EXOC6B: variants seen among roughly 807,000 people sequenced by gnomAD.
EXOC6B encodes the protein SEC15 homolog B.
In EXOC6B, 54 loss-of-function variants were observed where a neutral mutation model predicts 113.5. That is an observed-to-expected ratio of 0.48 (90% CI 0.38 to 0.60). The LOEUF (loss-of-function observed/expected upper bound fraction) is 0.60, where lower values mean the gene tolerates loss of function less well. EXOC6B is among the 20% of genes least tolerant of loss of function. The probability of loss-of-function intolerance (pLI) is 0.00; values close to 1 mark genes in which losing one functional copy is unlikely to be tolerated. For synonymous variants in EXOC6B, 357 were observed against 339.0 expected, an observed-to-expected ratio of 1.05 and a Z score of -0.58; for missense variants, 797 against 977.5, an observed-to-expected ratio of 0.82 and a Z score of 2.46.
chr2:72,751,511 T>G (rs1682041550), intron 1 of EXOC6B, among the ~76,000 whole-genome samples: 2 of 152,166 alleles, frequency 1.3e-5, no homozygotes, highest in East Asian at 3.9e-4. Flanking sequence ...GATTTTCAGG[T>G]TAACTCTGGA....
At chr2:72,188,103 C>A (rs1442087274) in intron 20 of EXOC6B, among the ~76,000 whole-genome samples, 2 of 152,076 alleles carry the variant, frequency 1.3e-5, no homozygotes, top group African/African-American at 4.8e-5. Flanking sequence ...AGGCCCAGGT[C>A]TGCAGCTGTG....
chr2:72,291,903 C>T (rs566546208), intron 20 of EXOC6B, among the ~76,000 whole-genome samples: 17 of 152,190 alleles, frequency 1.1e-4, no homozygotes, highest in Admixed American at 2.6e-4. Flanking sequence ...AAGTCTAAAA[C>T]GGATGGTTAA....
intron 20 of EXOC6B, among the ~76,000 whole-genome samples, chr2:72,314,109 A>G (rs1318799481): frequency 1.3e-5 from 2 of 152,164 alleles, no homozygotes; most frequent in Admixed American, 6.5e-5. Flanking sequence ...CTGAATTATA[A>G]TTACCCTAAC....
At chr2:72,651,633 T>A (rs1173708614) in intron 6 of EXOC6B, among the ~76,000 whole-genome samples, 4 of 152,180 alleles carry the variant, frequency 2.6e-5, no homozygotes, top group African/African-American at 9.6e-5. Context: ...ACTGGAATGT[T>A]TTTTGAGATG....
intron 20 of EXOC6B, among the ~76,000 whole-genome samples, chr2:72,188,986 T>A (rs1456125053): frequency 6.6e-6 from 1 of 152,218 alleles, no homozygotes; most frequent in Non-Finnish European, 1.5e-5. Flanking sequence ...AACTGAGACT[T>A]TATTCCCAAA....
rs188675376 is a variant in EXOC6B at position 72,732,352 on chromosome 2, G to A, written c.327+719C>T. ...TTGTTTTGGGGGGCAGGTAGAGATG[G>A]GGTCTCACTATGTTGCCCAAGCTGG... On this transcript the variant is annotated intron_variant, in intron 3 of 21. Transcript: ENST00000272427. Among the ~76,000 whole-genome samples, 1,186 of 151,944 alleles carry A rather than the reference G, an allele frequency of 7.8e-3. 6 individuals carry two copies. Among genetic ancestry groups the A allele is most frequent in the Non-Finnish European group, 9.3e-3 (629 of 67,954 alleles).
At chr2:72,502,083 A>G (rs1700354272) in intron 11 of EXOC6B, among the ~76,000 whole-genome samples, 1 of 152,160 alleles carries the variant, frequency 6.6e-6, no homozygotes, top group Non-Finnish European at 1.5e-5. Flanking sequence ...CTTAAACATG[A>G]TGTCTCTCCT....
rs375538365 is a variant in EXOC6B at position 72,809,291 on chromosome 2, G to A, written c.113+16507C>T. On this transcript the variant is annotated intron_variant, in intron 1 of 21. Coordinates refer to ENST00000272427, the MANE Select transcript of EXOC6B (RefSeq NM_015189.3). Reference sequence around the variant, plus strand: ...CAATTAAAAGATAGAGATCAACAAAGTGGATTTTATAAAACAATACAAGTA... The same window carrying A: ...CAATTAAAAGATAGAGATCAACAAAATGGATTTTATAAAACAATACAAGTA... Among the ~76,000 whole-genome samples, 12 of 152,164 alleles carry A rather than the reference G, an allele frequency of 7.9e-5. No homozygotes were observed. The East Asian group carries it at 1.3e-3, about 17-fold the overall frequency.
intron 19 of EXOC6B, among the ~76,000 whole-genome samples, chr2:72,344,855 A>C (rs1689233793): frequency 6.6e-6 from 1 of 152,112 alleles, no homozygotes; most frequent in South Asian, 2.1e-4. Context: ...AGCCCTTTAA[A>C]TCTCCTGACA....
At chr2:72,640,529 T>C (rs1297323220) in intron 6 of EXOC6B, among the ~76,000 whole-genome samples, 1 of 152,050 alleles carries the variant, frequency 6.6e-6, no homozygotes, top group African/African-American at 2.4e-5. Flanking sequence ...AGTAAGACAC[T>C]TCACAAGAAG....
chr2:72,540,173 C>A (rs901215730), intron 8 of EXOC6B, among the ~76,000 whole-genome samples: 2 of 151,968 alleles, frequency 1.3e-5, no homozygotes, highest in East Asian at 1.9e-4. Context: ...TATGTGCCAA[C>A]TTTTCTTAAT....
chr2:72,198,954 C>T (rs555127713), intron 20 of EXOC6B, among the ~76,000 whole-genome samples: 41 of 152,234 alleles, frequency 2.7e-4, no homozygotes, highest in Admixed American at 4.6e-4. Context: ...TGAATCATTG[C>T]CTGGCTTTCC....
At chr2:72,581,884 G>A (rs1375110623) in intron 6 of EXOC6B, among the ~76,000 whole-genome samples, 1 of 152,100 alleles carries the variant, frequency 6.6e-6, no homozygotes, top group Non-Finnish European at 1.5e-5. Context: ...AACCCCCAGG[G>A]CAAAGCTGGG....
At chr2:72,781,606 T>C (rs11900751) in intron 1 of EXOC6B, among the ~76,000 whole-genome samples, 2,434 of 152,278 alleles carry the variant, frequency 0.016, 82 homozygotes, top group African/African-American at 0.056. Context: ...TAAAATTGCA[T>C]TGACAAAAAT....
At chr2:72,618,144 G>A (rs912737377) in intron 6 of EXOC6B, among the ~76,000 whole-genome samples, 5 of 152,048 alleles carry the variant, frequency 3.3e-5, no homozygotes, top group African/African-American at 1.2e-4. Context: ...AGAGGGGGGT[G>A]GATCACCTGA....
intron 19 of EXOC6B, among the ~76,000 whole-genome samples, chr2:72,359,209 G>C (rs1690154358): frequency 6.6e-6 from 1 of 152,148 alleles, no homozygotes; most frequent in Non-Finnish European, 1.5e-5. Context: ...AAAATTCATG[G>C]TGAAATTTAA....
intron 7 of EXOC6B, among the ~76,000 whole-genome samples, chr2:72,561,063 C>A (rs751177943): frequency 3.3e-5 from 5 of 151,986 alleles, no homozygotes; most frequent in Non-Finnish European, 7.4e-5. Flanking sequence ...ACTAAAACAT[C>A]TTTACAGTCT....
chr2:72,782,874 C>T (rs914745869), intron 1 of EXOC6B, among the ~76,000 whole-genome samples: 3 of 152,168 alleles, frequency 2.0e-5, no homozygotes, highest in African/African-American at 7.2e-5. Context: ...CTTCTGCAGC[C>T]GAACAGTATT....
In EXOC6B at chr2:72,499,893, T is replaced by G. The variant is rs1201446895; in HGVS notation, c.1239+8A>C. 2 of 1,542,642 alleles carry G rather than the reference T, an allele frequency of 1.3e-6. No individual in the cohort carries two copies. The highest frequency in any genetic ancestry group is 1.8e-6 in the Non-Finnish European group (2 of 1,138,388). On this transcript the variant is annotated splice_region_variant and intron_variant, in intron 12 of 21. Coordinates refer to ENST00000272427, the MANE Select transcript of EXOC6B (RefSeq NM_015189.3). ...CTAGATGAGCATATGTAAACAGAAA[T>G]CACATACCTGAAGTGTGTCAGCAAA... is the stretch of plus-strand genomic sequence containing the variant.
Sources: gnomAD v4.1 joint callset for allele counts (sites outside exome capture counted in the v4.1 genomes callset) on GRCh38, gnomAD v4.1.1 for gene constraint, MANE v1.5 for transcripts, NCBI Gene and HGNC (gene_info 2026-07-23, HGNC 2026-07-21) for gene names.